The following IGSF5 variants were observed in gnomAD, a reference collection of about 807,000 sequenced individuals.
IGSF5 encodes immunoglobulin superfamily 5 like.
In IGSF5, 41 loss-of-function variants were observed where a neutral mutation model predicts 39.4. The observed-to-expected ratio is 1.04, with a 90% CI of 0.81 to 1.35. The LOEUF (loss-of-function observed/expected upper bound fraction) is 1.35, where lower values mean the gene tolerates loss of function less well. Among genes scored for constraint, IGSF5 ranks in the 40% most tolerant of loss-of-function variants. IGSF5 has a pLI of 0.00. For missense variants in IGSF5, 487 were observed against 494.6 expected, an observed-to-expected ratio of 0.98 and a Z score of 0.15; for synonymous variants, 183 against 175.3, an observed-to-expected ratio of 1.04 and a Z score of -0.34.
intron 3 of IGSF5, among the ~76,000 whole-genome samples, chr21:39,769,054 CT>C (rs2080100747): frequency 6.6e-6 from 1 of 152,162 alleles, no homozygotes; most frequent in Non-Finnish European, 1.5e-5. Context: ...TTCCAGATGA[CT>C]GAAGTGTAAC....
the IGSF5 span, among the ~76,000 whole-genome samples, chr21:39,716,222 A>T: frequency 6.6e-6 from 1 of 152,294 alleles, no homozygotes; most frequent in East Asian, 1.9e-4. Context: ...CAAACACCGC[A>T]CAGGTGGGGT....
intron 4 of IGSF5, among the ~76,000 whole-genome samples, chr21:39,778,562 C>G (rs1217310638): frequency 6.6e-6 from 1 of 152,130 alleles, no homozygotes; most frequent in African/African-American, 2.4e-5. Flanking sequence ...ATTTGAGGAT[C>G]GGGGAGCTGG....
At chr21:39,730,867 G>T in the IGSF5 span, among the ~76,000 whole-genome samples, 1 of 152,080 alleles carries the variant, frequency 6.6e-6, no homozygotes, top group Non-Finnish European at 1.5e-5. Flanking sequence ...CCAACTATTC[G>T]GGCATGCAAT....
chr21:39,741,146 C>T (rs116798981), upstream of IGSF5, among the ~76,000 whole-genome samples: 2,939 of 152,156 alleles, frequency 0.019, 101 homozygotes, highest in African/African-American at 0.067. Flanking sequence ...AGTCTTGCCC[C>T]GTTAGCAAGC....
chr21:39,752,803 G>A (rs376904327), intron 2 of IGSF5, among the ~76,000 whole-genome samples: 3 of 152,068 alleles, frequency 2.0e-5, no homozygotes, highest in East Asian at 1.9e-4. Context: ...CTTCTTTTGA[G>A]AATTGTCTAT....
intron 2 of IGSF5, among the ~76,000 whole-genome samples, chr21:39,762,370 G>C (rs1032616308): frequency 1.3e-5 from 2 of 152,154 alleles, no homozygotes; most frequent in African/African-American, 4.8e-5. Context: ...TGTACATCCA[G>C]GTCATAGGTA....
chr21:39,737,321 G>A, the IGSF5 span, among the ~76,000 whole-genome samples: 34 of 152,120 alleles, frequency 2.2e-4, no homozygotes, highest in South Asian at 1.0e-3. Context: ...CCCCACCACC[G>A]AGCAAGCACT....
At chr21:39,762,692 T>A (rs186762832) in intron 2 of IGSF5, among the ~76,000 whole-genome samples, 73 of 152,322 alleles carry the variant, frequency 4.8e-4, no homozygotes, top group Admixed American at 1.3e-3. Flanking sequence ...TATTGGGGGT[T>A]AAATATTTTG....
At chr21:39,713,870 C>T in the IGSF5 span, among the ~76,000 whole-genome samples, 5 of 152,232 alleles carry the variant, frequency 3.3e-5, no homozygotes, top group Non-Finnish European at 7.3e-5. Context: ...TAGGGTTTCT[C>T]TCTTATCTTT....
rs2080155835 is a variant in IGSF5, at chr21:39,779,098, G to A, written c.727G>A (p.Gly243Ser). 2 of 1,611,912 alleles carry A rather than the reference G, an allele frequency of 1.2e-6. No individual in the cohort carries two copies. The highest frequency in any genetic ancestry group is 8.5e-7 in the Non-Finnish European group (1 of 1,178,060). ...ATTTTTTTCTTCTTTAGACACTGGA[G>A]GTGGTATTAATATTCCAGGTGTATT... ...TVIRCPQDTG[G>S]GINIPGVLSS... The change falls in exon 5 of 9, where the codon GGT (glycine) becomes AGT (serine). Residue 243 changes from glycine to serine, a missense_variant. Physicochemically the swap from Gly to Ser is moderately conservative, Grantham distance 56. Transcript: ENST00000380588.
In IGSF5 at chr21:39,746,227, A is replaced by G; in HGVS notation, c.29A>G (p.Asp10Gly). The G allele has an allele frequency of 1.4e-6, 1 of 701,892 alleles. No individual in the cohort carries two copies. The highest frequency in any genetic ancestry group is 2.6e-6 in the Non-Finnish European group (1 of 384,800). 43.5% of individuals were successfully genotyped at this position (701,892 alleles called of 1,614,324 possible). The change falls in exon 2 of 9, where the codon GAT becomes GGT. Residue 10 changes from aspartate to glycine, a missense_variant. Transcript: ENST00000380588. Reference protein sequence around the residue: MGQKERSTADTLPDLEEWKS... With the variant: MGQKERSTAGTLPDLEEWKS... ...CCTCACTGGATCAGGAGCACAGCAG[A>G]TACTCTGCCGGATCTGGAGGAATGG... is the stretch of plus-strand genomic sequence containing the variant.
At chr21:39,783,571 TG>T (rs1323591745) in intron 5 of IGSF5, among the ~76,000 whole-genome samples, 3 of 152,198 alleles carry the variant, frequency 2.0e-5, no homozygotes, top group Non-Finnish European at 4.4e-5. Context: ...AACATTGCAT[TG>T]TTTTTTTGCT....
upstream of IGSF5, among the ~76,000 whole-genome samples, chr21:39,742,678 C>T (rs534102791): frequency 5.6e-4 from 85 of 152,286 alleles, no homozygotes; most frequent in African/African-American, 1.9e-3. Context: ...CCTTGTAGAC[C>T]GCACTGGAAG....
At chr21:39,757,786 A>G (rs1467121229) in intron 2 of IGSF5, among the ~76,000 whole-genome samples, 1 of 152,098 alleles carries the variant, frequency 6.6e-6, no homozygotes, top group Non-Finnish European at 1.5e-5. Context: ...CATGTTGGCC[A>G]GGCTGATCTC....
At chr21:39,716,743 T>C in the IGSF5 span, among the ~76,000 whole-genome samples, 1 of 152,232 alleles carries the variant, frequency 6.6e-6, no homozygotes, top group Non-Finnish European at 1.5e-5. Flanking sequence ...TTATCCAGTC[T>C]GTCACTGATG....
At chr21:39,796,501 G>T (rs1342562315) in intron 8 of IGSF5, among the ~76,000 whole-genome samples, 2 of 152,228 alleles carry the variant, frequency 1.3e-5, no homozygotes, top group East Asian at 3.8e-4. Context: ...TAGAGCCCAG[G>T]AGAGACAGCT....
At chr21:39,734,439 TACACAC>T in the IGSF5 span, among the ~76,000 whole-genome samples, 87 of 120,300 alleles carry the variant, frequency 7.2e-4, no homozygotes, top group East Asian at 1.4e-3. Flanking sequence ...AAAAAAAAAA[TACACAC>T]ACACACACAC....
At position 39,788,190 on chromosome 21, in the gene IGSF5, T is replaced by C. The variant is rs149173446; in HGVS notation, c.956+2T>C. 8.2e-6 allele frequency: 13 copies of C among 1,588,658 alleles called. No individual in the cohort carries two copies. Among genetic ancestry groups the C allele is most frequent in the Admixed American group, 5.1e-5 (3 of 58,912 alleles). ...AGGATTTCGTATTCAATTTCAAAAGTAAGTTTGAAACCACATCTATTTTCT... is the reference window on the plus strand; with the variant it reads ...AGGATTTCGTATTCAATTTCAAAAGCAAGTTTGAAACCACATCTATTTTCT... On this transcript the variant is annotated splice_donor_variant, in intron 6 of 8. Transcript: ENST00000380588. LOFTEE classifies it high-confidence loss of function.
intron 5 of IGSF5, among the ~76,000 whole-genome samples, chr21:39,785,698 G>A (rs1467259917): frequency 2.0e-5 from 3 of 152,022 alleles, no homozygotes; most frequent in Non-Finnish European, 4.4e-5. Flanking sequence ...AGCATGGAAT[G>A]TTCTTCCATT....
Sources: gnomAD v4.1 joint callset for allele counts (sites outside exome capture counted in the v4.1 genomes callset) on GRCh38, gnomAD v4.1.1 for gene constraint, MANE v1.5 for transcripts, NCBI Gene and HGNC (gene_info 2026-07-23, HGNC 2026-07-21) for gene names.